Variants in TSC1 observed in about 807,000 individuals in gnomAD.
TSC1 encodes hamartin.
In TSC1, 20 loss-of-function variants were observed where a neutral mutation model predicts 124.3. That is an observed-to-expected ratio of 0.16 (90% confidence interval 0.11 to 0.23). The LOEUF (loss-of-function observed/expected upper bound fraction) is 0.23. TSC1 is among the 10% of genes least tolerant of loss of function. The pLI is 1.00. For synonymous variants in TSC1, 493 were observed against 539.1 expected (o/e 0.91, Z 1.19); for missense variants, 1,124 against 1,448.5 (o/e 0.78, Z 3.64).
At chr9:132,922,315 T>C (rs952017605) in intron 6 of TSC1, among the ~76,000 whole-genome samples, 3 of 152,222 alleles carry the variant, frequency 2.0e-5, no homozygotes, top group Non-Finnish European at 2.9e-5. Flanking sequence ...TTTATGATGA[T>C]AGCTCTCTGT....
rs1405453032 is a variant in TSC1 at position 132,892,014 on chromosome 9, CATT to C, written c.*4218_*4220del. ...AGTGGGGAGGAAGCTCCTCTGCCAT[CATT>C]AACTCGTTTCATGACCAGAAGCCAT... On this transcript the variant is annotated 3_prime_UTR_variant, in exon 23 of 23. Transcript: ENST00000298552. 3 of 233,062 alleles carry C rather than the reference CATT, an allele frequency of 1.3e-5. No homozygotes were observed. The highest frequency in any genetic ancestry group is 1.7e-5 in the Non-Finnish European group (2 of 117,996). 14.4% of individuals were successfully genotyped at this position (233,062 alleles called of 1,614,324 possible). A position where few individuals can be genotyped will look rare whatever the true frequency, so the allele number is the denominator to read the frequency against.
rs761146569 is a variant in TSC1 at position 132,906,710 on chromosome 9, T to C, written c.1438+21A>G. The C allele has an allele frequency of 4.4e-6, 7 of 1,595,736 alleles. No homozygotes were observed. In the Admixed American group the frequency reaches 5.0e-5, roughly 11 times the overall value. ...GCGAGGGTCAGGTTTTATCAACTCA[T>C]AGCAATCCCACATACATTACCTTCT... On this transcript the variant is annotated intron_variant, in intron 14 of 22. Coordinates refer to ENST00000298552, the MANE Select transcript of TSC1 (RefSeq NM_000368.5). This position sits in a 1 kb window ranked among gnomAD's most constrained non-coding sequence, Gnocchi z 4.1.
intron 12 of TSC1, chr9:132,909,850 T>C (rs1845850413): frequency 6.6e-6 from 1 of 152,240 alleles, no homozygotes; most frequent in Admixed American, 6.5e-5. Flanking sequence ...GGAGAGAAGA[T>C]GTCAGGGAAG....
chr9:132,925,913 C>T (rs987229828), intron 4 of TSC1, 174 bp from the exon 5 acceptor site: 2 of 838,906 alleles, frequency 2.4e-6, no homozygotes, highest in Non-Finnish European at 3.7e-6. Context: ...AAACAAAACA[C>T]TGCTGCATTT....
chr9:132,915,184 C>T (rs1270065923), intron 8 of TSC1, among the ~76,000 whole-genome samples: 5 of 150,970 alleles, frequency 3.3e-5, no homozygotes, highest in Non-Finnish European at 5.9e-5. Flanking sequence ...GACCCTGTCT[C>T]AGGAAGAAAA....
At chr9:132,928,591 T>C (rs1025050861) in intron 3 of TSC1, among the ~76,000 whole-genome samples, 176 bp downstream of exon 3, 1 of 152,236 alleles carries the variant, frequency 6.6e-6, no homozygotes, top group African/African-American at 2.4e-5. Context: ...TTCATGTGTG[T>C]GCATACTTGA....
At chr9:132,924,946 G>C (rs1488326210) in intron 5 of TSC1, 1 of 153,902 alleles carries the variant, frequency 6.5e-6, no homozygotes, top group African/African-American at 2.4e-5. Context: ...GTCTCTGTGA[G>C]GTACAGGCAG....
chr9:132,922,371 GA>G (rs961548615), intron 6 of TSC1, among the ~76,000 whole-genome samples: 6 of 151,942 alleles, frequency 3.9e-5, no homozygotes, highest in Admixed American at 3.9e-4. Flanking sequence ...AGCTTCTTGA[GA>G]AAAAAACTGT....
Position 132,896,864 on chromosome 9 carries a change from C to T in TSC1, c.2976-110G>A. 1 of 1,528,490 alleles carries T rather than the reference C, an allele frequency of 6.5e-7. No individual in the cohort carries two copies. The allele number at this position is 1,528,490 out of a possible 1,614,324, so 94.7% of individuals were successfully genotyped here. A position where few individuals can be genotyped will look rare whatever the true frequency, so the allele number is the denominator to read the frequency against. On this transcript the variant is annotated intron_variant, in intron 22 of 22. Transcript: ENST00000298552. The surrounding 1 kb of genome is among the most constrained non-coding windows in gnomAD (Gnocchi z 4.5). ...CACACTGACACTGAACTCCGCTAGC[C>T]CACTCTCTGTTTTATAATACTGGAC...
rs1432784303 is a variant in TSC1, at chr9:132,911,130, G to C, written c.1030-17C>G. The C allele has an allele frequency of 1.3e-6, 2 of 1,592,952 alleles. No individual in the cohort carries two copies. Among genetic ancestry groups the C allele is most frequent in the Non-Finnish European group, 1.7e-6 (2 of 1,160,918 alleles). On this transcript the variant is annotated splice_polypyrimidine_tract_variant and intron_variant, in intron 10 of 22. Coordinates refer to ENST00000298552, the MANE Select transcript of TSC1 (RefSeq NM_000368.5). Reference sequence around the variant, plus strand: ...AAGAGTAGCCTGGGAAGTTAATAAAGTACATCAGCAGTGGCAAAGGAATGC... The same window carrying C: ...AAGAGTAGCCTGGGAAGTTAATAAACTACATCAGCAGTGGCAAAGGAATGC...
chr9:132,909,949 C>T (rs979771127), intron 12 of TSC1: 4 of 153,114 alleles, frequency 2.6e-5, no homozygotes, highest in African/African-American at 9.7e-5. Flanking sequence ...GTATTTGTGC[C>T]ATCATTGCAG....
At chr9:132,943,261 A>G (rs1847839204) in intron 1 of TSC1, among the ~76,000 whole-genome samples, 2 of 150,238 alleles carry the variant, frequency 1.3e-5, no homozygotes, top group Non-Finnish European at 3.0e-5. Flanking sequence ...CAAGGATTTT[A>G]GCAGGACTTC....
rs145882714 is a variant in TSC1 at position 132,942,796 on chromosome 9, G to A, written c.-144+1747C>T. Reference sequence around the variant, plus strand: ...TAACTTTAGTAAGAGGATATTTTCCGTTTACATCTTCTATAAATACCCCTT... The same window carrying A: ...TAACTTTAGTAAGAGGATATTTTCCATTTACATCTTCTATAAATACCCCTT... On this transcript the variant is annotated intron_variant, in intron 1 of 22. Coordinates refer to ENST00000298552, the MANE Select transcript of TSC1 (RefSeq NM_000368.5). Among the ~76,000 whole-genome samples, 199 of 152,304 alleles carry A rather than the reference G, an allele frequency of 1.3e-3. 2 individuals are homozygous for A. Among genetic ancestry groups the A allele is most frequent in the Admixed American group, 2.7e-3 (42 of 15,302 alleles).
intron 8 of TSC1, among the ~76,000 whole-genome samples, chr9:132,915,552 G>A (rs548751004): frequency 6.6e-6 from 1 of 152,172 alleles, no homozygotes; most frequent in Non-Finnish European, 1.5e-5. Flanking sequence ...AAAATTAAAC[G>A]CCTAGTCAAG....
chr9:132,907,646 C>G (rs930476506), intron 12 of TSC1, among the ~76,000 whole-genome samples: 3 of 152,188 alleles, frequency 2.0e-5, no homozygotes, highest in Non-Finnish European at 4.4e-5. Context: ...TGCACCACCA[C>G]GCCTGGCTAA....
In TSC1 at chr9:132,934,008, T is replaced by C. The variant is rs180780728; in HGVS notation, c.-81+1025A>G. 3.5e-4 allele frequency among the ~76,000 whole-genome samples: 54 copies of C among 152,312 alleles called. 1 individual carries two copies. The East Asian group carries it at 9.8e-3, about 28-fold the overall frequency. On this transcript the variant is annotated intron_variant, in intron 2 of 22. Transcript: ENST00000298552. The stretch of plus-strand genomic sequence containing the variant: ...CCTACTTGAGAACAATACTTAACTT[T>C]CGACAGTCTACAATTTGTATCAAGA...
chr9:132,900,982 T>TA (rs1588297941), intron 19 of TSC1, 145 bp from the exon 20 acceptor site: 2 of 1,186,460 alleles, frequency 1.7e-6, no homozygotes, highest in East Asian at 5.0e-5. Flanking sequence ...GTCCCTGACA[T>TA]AATGGCAGGT....
chr9:132,911,339 T>C (rs1372810931), intron 10 of TSC1, 114 bp downstream of exon 10: 1 of 892,532 alleles, frequency 1.1e-6, no homozygotes, highest in Admixed American at 1.7e-5. Context: ...TCCTTAAAAG[T>C]GACTCCTGAA....
intron 20 of TSC1, among the ~76,000 whole-genome samples, chr9:132,898,371 T>C (rs1354370227): frequency 1.3e-5 from 2 of 152,256 alleles, no homozygotes; most frequent in African/African-American, 2.4e-5. Context: ...TACATTTGTG[T>C]GTGTATGTTT....
Sources: allele counts gnomAD v4.1 joint callset (sites outside exome capture counted in the v4.1 genomes callset), GRCh38; gene constraint gnomAD v4.1.1; non-coding constraint Gnocchi (gnomAD v3.1); transcripts MANE v1.5; gene names NCBI Gene and HGNC (gene_info 2026-07-23, HGNC 2026-07-21).